The following DLG1 variants were observed in gnomAD, a reference collection of about 807,000 sequenced individuals.
DLG1 encodes the protein disks large homolog 1.
In DLG1, 42 loss-of-function variants were observed where a neutral mutation model predicts 123.4. The observed-to-expected ratio is 0.34, with a 90% CI of 0.27 to 0.44. The LOEUF is 0.44. Among genes scored for constraint, DLG1 ranks in the 20% least tolerant of loss-of-function variants. DLG1 has a pLI of 1.00. For missense variants in DLG1, 942 were observed against 1,082.6 expected, an observed-to-expected ratio of 0.87 and a Z score of 1.82; for synonymous variants, 317 against 356.2, an observed-to-expected ratio of 0.89 and a Z score of 1.24.
intron 4 of DLG1, among the ~76,000 whole-genome samples, chr3:197,252,038 C>G (rs1041145706): frequency 1.3e-5 from 2 of 152,126 alleles, no homozygotes; most frequent in Non-Finnish European, 2.9e-5. Context: ...CATTCTTTCT[C>G]TTTTCCCTCT....
intron 4 of DLG1, among the ~76,000 whole-genome samples, chr3:197,273,188 A>ATGTGTGTGTGTGTGTGTG (rs34778202): frequency 1.4e-5 from 2 of 147,870 alleles, no homozygotes; most frequent in African/African-American, 2.5e-5. Context: ...CACTGAATAT[A>ATGTGTGTGTGTGTGTGTG]TGTGTGTGTG....
chr3:197,057,275 T>C (rs916618455), intron 23 of DLG1, among the ~76,000 whole-genome samples: 3 of 152,160 alleles, frequency 2.0e-5, no homozygotes, highest in Non-Finnish European at 4.4e-5. Flanking sequence ...GAGACAGGAT[T>C]GTGCCATGTT....
At chr3:197,067,414 A>G (rs928980035) in intron 19 of DLG1, among the ~76,000 whole-genome samples, 1 of 152,116 alleles carries the variant, frequency 6.6e-6, no homozygotes, top group Non-Finnish European at 1.5e-5. Flanking sequence ...TTGACCTTAA[A>G]AACACAAGAA....
At chr3:197,138,933 A>G (rs1786485533) in intron 8 of DLG1, among the ~76,000 whole-genome samples, 1 of 152,234 alleles carries the variant, frequency 6.6e-6, no homozygotes, top group Non-Finnish European at 1.5e-5. Flanking sequence ...TCACGAGTTT[A>G]AGGTCACAGA....
intron 3 of DLG1, among the ~76,000 whole-genome samples, chr3:197,291,178 A>C (rs546487040): frequency 1.8e-4 from 27 of 152,010 alleles, no homozygotes; most frequent in South Asian, 1.0e-3. Flanking sequence ...TGAGCAAAGA[A>C]CTCAATCTAA....
intron 9 of DLG1, among the ~76,000 whole-genome samples, chr3:197,137,036 A>G (rs1375299498): frequency 6.6e-6 from 1 of 152,246 alleles, no homozygotes; most frequent in Non-Finnish European, 1.5e-5. Flanking sequence ...TTGAGAAGAA[A>G]TAACAACATT....
chr3:197,149,789 G>A lies in DLG1; in HGVS notation c.491C>T (p.Pro164Leu), dbSNP rs1220713812. The change falls in exon 6 of 25, where the codon CCT (proline) becomes CTT (leucine). Residue 164 changes from proline to leucine, a missense_variant. Transcript: ENST00000667157. ...ATCTGTGTTGACCAGTACTGGGGGA[G>A]GATTTGCCTTTAAGAAGAAATTGTA... ...HSHISPIKAN[P>L]PPVLVNTDSL... 2 of 1,586,666 alleles carry A rather than the reference G, an allele frequency of 1.3e-6. No homozygotes were observed. Among genetic ancestry groups the A allele is most frequent in the Non-Finnish European group, 1.7e-6 (2 of 1,160,102 alleles).
At chr3:197,193,012 T>C (rs1720485606) in intron 5 of DLG1, among the ~76,000 whole-genome samples, 1 of 152,094 alleles carries the variant, frequency 6.6e-6, no homozygotes. Context: ...CCTAGCAAAA[T>C]TAACTGATAG....
At chr3:197,220,909 A>C (rs34804191) in intron 4 of DLG1, among the ~76,000 whole-genome samples, 1 of 152,246 alleles carries the variant, frequency 6.6e-6, no homozygotes, top group Non-Finnish European at 1.5e-5. Context: ...CTGTGCTTTT[A>C]ATATCAAAAG....
intron 23 of DLG1, among the ~76,000 whole-genome samples, chr3:197,055,752 A>C (rs761817987): frequency 2.6e-5 from 4 of 152,058 alleles, no homozygotes; most frequent in Non-Finnish European, 5.9e-5. Flanking sequence ...GTTTTTACTT[A>C]ATATTTTTTC....
intron 4 of DLG1, among the ~76,000 whole-genome samples, chr3:197,282,065 T>G (rs748642035): frequency 6.6e-6 from 1 of 152,220 alleles, no homozygotes; most frequent in Non-Finnish European, 1.5e-5. Context: ...TTAGGCAGAA[T>G]CTTTGTTACA....
intron 15 of DLG1, among the ~76,000 whole-genome samples, chr3:197,090,396 G>A (rs1374394655): frequency 6.6e-6 from 1 of 151,454 alleles, no homozygotes; most frequent in Non-Finnish European, 1.5e-5. Flanking sequence ...TATATTATAG[G>A]AAAATAACAT....
chr3:197,108,090 T>A (rs116833607), intron 13 of DLG1, among the ~76,000 whole-genome samples: 1 of 152,260 alleles, frequency 6.6e-6, no homozygotes, highest in Admixed American at 6.5e-5. Flanking sequence ...ATGTCCTTTA[T>A]TAAGATGGTG....
At chr3:197,162,403 G>A (rs548839606) in intron 5 of DLG1, among the ~76,000 whole-genome samples, 2 of 152,150 alleles carry the variant, frequency 1.3e-5, no homozygotes, top group South Asian at 4.1e-4. Flanking sequence ...TTAGTAATAA[G>A]ACCCATTTGC....
intron 1 of DLG1, chr3:197,297,728 G>C (rs1376018703): frequency 2.7e-5 from 27 of 986,412 alleles, no homozygotes; most frequent in Non-Finnish European, 3.1e-5. Context: ...ACAGGGCAGC[G>C]GCCGCTCTCC....
At chr3:197,182,059 C>T (rs1039066691) in intron 5 of DLG1, among the ~76,000 whole-genome samples, 21 of 152,134 alleles carry the variant, frequency 1.4e-4, no homozygotes, top group African/African-American at 2.9e-4. Context: ...TTTAATAAAC[C>T]GAGTGACAGA....
intron 5 of DLG1, among the ~76,000 whole-genome samples, chr3:197,163,881 T>C (rs1194250433): frequency 6.6e-6 from 1 of 151,832 alleles, no homozygotes; most frequent in Non-Finnish European, 1.5e-5. Context: ...GATGAGCCTT[T>C]AAAACATTAA....
chr3:197,219,959 GC>G (rs1487741661), intron 4 of DLG1, among the ~76,000 whole-genome samples: 2 of 152,296 alleles, frequency 1.3e-5, no homozygotes, highest in East Asian at 3.9e-4. Flanking sequence ...TGTTATGGCA[GC>G]CCTAGCCAAC....
chr3:197,297,270 A>T, intron 1 of DLG1, 35 bp from the exon 2 acceptor site: 2 of 1,610,800 alleles, frequency 1.2e-6, no homozygotes, highest in Non-Finnish European at 1.7e-6. Flanking sequence ...AAAAGGATAG[A>T]ATCATGTTAA....
Sources: gnomAD v4.1 joint callset for allele counts (sites outside exome capture counted in the v4.1 genomes callset) on GRCh38, gnomAD v4.1.1 for gene constraint, MANE v1.5 for transcripts, NCBI Gene and HGNC (gene_info 2026-07-23, HGNC 2026-07-21) for gene names.